PLSCR2: variants seen among roughly 807,000 people sequenced by gnomAD.
PLSCR2 encodes PL scramblase 2.
In PLSCR2, 18 loss-of-function variants were observed where a neutral mutation model predicts 25.3. The observed-to-expected ratio is 0.71, with a 90% CI of 0.49 to 1.06. The LOEUF (loss-of-function observed/expected upper bound fraction) is 1.06. Ranked by LOEUF, PLSCR2 falls within the 50% of genes least tolerant of loss-of-function variation. PLSCR2 has a pLI of 0.00. For missense variants in PLSCR2, 243 were observed against 269.5 expected (o/e 0.90, Z 0.69); for synonymous variants, 88 against 87.3 (o/e 1.01, Z -0.04).
intron 1 of PLSCR2, among the ~76,000 whole-genome samples, chr3:146,478,079 A>G (rs2042985754): frequency 6.6e-6 from 1 of 152,160 alleles, no homozygotes; most frequent in Admixed American, 6.5e-5. Flanking sequence ...CAAAAAGGAC[A>G]TCTACACCAA....
intron 1 of PLSCR2, among the ~76,000 whole-genome samples, chr3:146,477,223 T>C (rs191816125): frequency 7.5e-4 from 114 of 152,258 alleles, no homozygotes; most frequent in East Asian, 7.3e-3. Context: ...GTTCATCTCA[T>C]TGGGACTGGT....
intron 2 of PLSCR2, among the ~76,000 whole-genome samples, chr3:146,403,368 C>G (rs148486357): frequency 6.6e-6 from 1 of 152,244 alleles, no homozygotes; most frequent in African/African-American, 2.4e-5. Flanking sequence ...CTTTATAAAG[C>G]AAATTATTGA....
chr3:146,423,162 T>C (rs2039208064), intron 2 of PLSCR2, among the ~76,000 whole-genome samples: 1 of 150,976 alleles, frequency 6.6e-6, no homozygotes, highest in Non-Finnish European at 1.5e-5. Flanking sequence ...CTTATGTCCT[T>C]ACACTATTGT....
chr3:146,406,227 A>C (rs1457976306), intron 2 of PLSCR2, among the ~76,000 whole-genome samples: 1 of 152,188 alleles, frequency 6.6e-6, no homozygotes, highest in Non-Finnish European at 1.5e-5. Flanking sequence ...TCAGGGCAGA[A>C]AAACTGATAA....
rs182638276 is a variant in PLSCR2, at chr3:146,407,589, T to C, written c.101-11668A>G. Among the ~76,000 whole-genome samples the C allele has an allele frequency of 4.3e-3, 651 of 152,324 alleles. 1 individual carries two copies. Among genetic ancestry groups the C allele is most frequent in the South Asian group, 0.011 (51 of 4,826 alleles). ...GTTAGGCTTTGAAAATGGGGGATTC[T>C]TCTTTGTTTTTGATTGCCTTTCTTG... On this transcript the variant is annotated intron_variant and NMD_transcript_variant, in intron 2 of 3. Coordinates refer to the PLSCR2 transcript ENST00000463633.
At chr3:146,447,107 C>T (rs2040599056) in intron 6 of PLSCR2, among the ~76,000 whole-genome samples, 1 of 152,156 alleles carries the variant, frequency 6.6e-6, no homozygotes, top group Non-Finnish European at 1.5e-5. Flanking sequence ...CCCCCCTGGC[C>T]CAGCACAGGT....
chr3:146,467,971 A>G (rs2041943497), intron 1 of PLSCR2, among the ~76,000 whole-genome samples: 1 of 152,230 alleles, frequency 6.6e-6, no homozygotes. Flanking sequence ...CACAAGGGCC[A>G]GTTCACAAAT....
upstream of PLSCR2, among the ~76,000 whole-genome samples, chr3:146,464,706 A>T (rs1005405819): frequency 1.3e-5 from 2 of 152,186 alleles, no homozygotes; most frequent in African/African-American, 4.8e-5. Context: ...CTGTTAAGTG[A>T]TAAATTTGGA....
At chr3:146,465,573 A>AC (rs2041823593) in intron 1 of PLSCR2, among the ~76,000 whole-genome samples, 1 of 67,630 alleles carries the variant, frequency 1.5e-5, no homozygotes, top group Non-Finnish European at 3.0e-5. Context: ...CACCCTCCAC[A>AC]AAAAAAAAAA....
chr3:146,424,596 T>C (rs1433129991), intron 2 of PLSCR2, among the ~76,000 whole-genome samples: 2 of 152,134 alleles, frequency 1.3e-5, no homozygotes, highest in Non-Finnish European at 2.9e-5. Context: ...TTCTGCTGTT[T>C]TGCTTTTTAT....
rs890462391 is a variant in PLSCR2 at position 146,435,969 on chromosome 3, G to A, written c.*35-2452C>T. ...TCTGTATAAGGTGTAAGGAAGGGAT[G>A]CAGTTTCAGCTTTCTACATATGGCT... On this transcript the variant is annotated intron_variant, in intron 8 of 8. Coordinates refer to the PLSCR2 transcript ENST00000336685. Among the ~76,000 whole-genome samples, 53 of 152,216 alleles carry A rather than the reference G, an allele frequency of 3.5e-4. No individual in the cohort carries two copies. In the Middle Eastern group the frequency reaches 0.01, roughly 29 times the overall value.
downstream of PLSCR2, among the ~76,000 whole-genome samples, chr3:146,433,050 T>C (rs1019759394): frequency 6.6e-6 from 1 of 152,218 alleles, no homozygotes; most frequent in African/African-American, 2.4e-5. Flanking sequence ...TTTCTTTATA[T>C]TCAGTGTTTA....
chr3:146,466,281 G>A (rs1215360319), intron 1 of PLSCR2, among the ~76,000 whole-genome samples: 1 of 152,022 alleles, frequency 6.6e-6, no homozygotes, highest in East Asian at 1.9e-4. Context: ...AGCAATTCTC[G>A]TGCCTCAGCC....
intron 1 of PLSCR2, among the ~76,000 whole-genome samples, chr3:146,465,917 A>G (rs1576696284): frequency 6.6e-6 from 1 of 152,338 alleles, no homozygotes; most frequent in East Asian, 1.9e-4. Flanking sequence ...GTTTCAGTCA[A>G]AGTAAAGCAG....
chr3:146,451,188 C>T (rs1387007280), intron 5 of PLSCR2, among the ~76,000 whole-genome samples: 1 of 145,262 alleles, frequency 6.9e-6, no homozygotes, highest in African/African-American at 2.5e-5. Context: ...GATCTCCGCT[C>T]ACTGCAACCT....
chr3:146,431,760 G>A (rs1010729021), downstream of PLSCR2, among the ~76,000 whole-genome samples: 9 of 151,514 alleles, frequency 5.9e-5, no homozygotes, highest in Non-Finnish European at 2.9e-5. Context: ...GTGCAACAAA[G>A]GTAACTATAC....
chr3:146,431,170 A>C (rs894675482), downstream of PLSCR2, among the ~76,000 whole-genome samples: 1 of 151,818 alleles, frequency 6.6e-6, no homozygotes, highest in Non-Finnish European at 1.5e-5. Flanking sequence ...TAAAGGAGAC[A>C]CTTTCTGTCC....
chr3:146,478,134 A>AT (rs1484154863), intron 1 of PLSCR2, among the ~76,000 whole-genome samples: 1 of 152,218 alleles, frequency 6.6e-6, no homozygotes, highest in Non-Finnish European at 1.5e-5. Flanking sequence ...ACGCAAAGAT[A>AT]GGGAGAAACC....
intron 2 of PLSCR2, among the ~76,000 whole-genome samples, chr3:146,397,047 G>C (rs2038298844): frequency 6.6e-6 from 1 of 151,976 alleles, no homozygotes; most frequent in African/African-American, 2.4e-5. Flanking sequence ...TTCTCTACAT[G>C]CGTCTTAGTC....
Sources: allele counts gnomAD v4.1 joint callset (sites outside exome capture counted in the v4.1 genomes callset), GRCh38; gene constraint gnomAD v4.1.1; transcripts MANE v1.5; gene names NCBI Gene and HGNC (gene_info 2026-07-23, HGNC 2026-07-21).